MBTPS1: variants seen among roughly 807,000 people sequenced by gnomAD.
MBTPS1 encodes membrane bound transcription factor peptidase, site 1, also known as membrane-bound transcription factor site-1 protease.
In MBTPS1, 94 loss-of-function variants were observed where a neutral mutation model predicts 127.8. The observed-to-expected ratio is 0.74, with a 90% confidence interval of 0.62 to 0.87. MBTPS1 has a LOEUF of 0.87. MBTPS1 is among the 40% of genes least tolerant of loss of function. MBTPS1 has a pLI of 0.00. For synonymous variants in MBTPS1, 632 were observed against 509.4 expected (o/e 1.24, Z -3.24); for missense variants, 1,636 against 1,353.2 (o/e 1.21, Z -3.28).
At chr16:84,056,680 G>C (rs1047012823) in intron 21 of MBTPS1, 2 of 152,604 alleles carry the variant, frequency 1.3e-5, no homozygotes, top group Non-Finnish European at 2.9e-5. Context: ...ACCAACAGTG[G>C]GAGAGAGTCT....
At chr16:84,060,874 CTT>C in intron 19 of MBTPS1, 61 bp from the exon 20 acceptor site, 1 of 1,500,270 alleles carries the variant, frequency 6.7e-7, no homozygotes, top group Non-Finnish European at 9.0e-7. Context: ...GAGTCACGCT[CTT>C]GTCACCCAGT....
intron 11 of MBTPS1, among the ~76,000 whole-genome samples, chr16:84,077,428 G>C (rs1056622607): frequency 2.0e-5 from 3 of 152,124 alleles, no homozygotes; most frequent in African/African-American, 7.2e-5. Context: ...GGAAAGCTCA[G>C]GGATAGACAT....
At position 84,059,412 on chromosome 16, in the gene MBTPS1, C is replaced by G; in HGVS notation, c.2721G>C (p.Arg907=). 1.9e-6 allele frequency: 3 copies of G among 1,613,196 alleles called. No individual in the cohort carries two copies. The highest frequency in any genetic ancestry group is 2.5e-6 in the Non-Finnish European group (3 of 1,179,460). The part of the protein sequence containing the change: ...PERMEGNHLH[R]YSKVLEAHLG... Reference sequence around the variant, plus strand: ...AATGGGCCTCCAGAACCTTGGAGTACCGATGAAGATGGTTTCCTGTGGTTA... The same window carrying G: ...AATGGGCCTCCAGAACCTTGGAGTAGCGATGAAGATGGTTTCCTGTGGTTA... Residue 907 remains arginine (R), a synonymous_variant, in exon 21 of 23, where the codon CGG becomes CGC. Coordinates refer to ENST00000343411, the MANE Select transcript of MBTPS1 (RefSeq NM_003791.4).
At chr16:84,096,725 C>T (rs907734599) in intron 3 of MBTPS1, among the ~76,000 whole-genome samples, 6 of 152,206 alleles carry the variant, frequency 3.9e-5, no homozygotes, top group Non-Finnish European at 5.9e-5. Flanking sequence ...CATACAGTCA[C>T]GTCAATTCTG....
At chr16:84,104,409 G>A (rs1364561657) in intron 1 of MBTPS1, among the ~76,000 whole-genome samples, 1 of 152,098 alleles carries the variant, frequency 6.6e-6, no homozygotes, top group Non-Finnish European at 1.5e-5. Context: ...GTTGCAGTGG[G>A]CCAAGAGTGC....
At chr16:84,073,156 A>G (rs1388844002) in intron 12 of MBTPS1, among the ~76,000 whole-genome samples, 1 of 152,160 alleles carries the variant, frequency 6.6e-6, no homozygotes, top group Non-Finnish European at 1.5e-5. Flanking sequence ...TCTTTTTGAG[A>G]TGGAGTGTTG....
intron 5 of MBTPS1, 118 bp from the exon 6 acceptor site, chr16:84,093,415 C>T: frequency 5.5e-6 from 4 of 727,490 alleles, no homozygotes; most frequent in Non-Finnish European, 9.6e-6. Context: ...TAGAGGAGGG[C>T]CTCTGCTGCT....
At chr16:84,075,797 CAGTTA>C (rs529411102) in intron 11 of MBTPS1, 42 of 152,304 alleles carry the variant, frequency 2.8e-4, no homozygotes, top group African/African-American at 9.1e-4. Flanking sequence ...ACACATATCA[CAGTTA>C]AGTTATCTCA....
chr16:84,100,848 A>C (rs931457411), intron 2 of MBTPS1, among the ~76,000 whole-genome samples: 15 of 151,980 alleles, frequency 9.9e-5, no homozygotes, highest in African/African-American at 3.1e-4. Flanking sequence ...CTGTGCACTC[A>C]ACCCATTGGA....
Position 84,093,216 on chromosome 16 carries a change from T to C in MBTPS1, c.818A>G (p.His273Arg), listed in dbSNP as rs752037534. The change falls in exon 6 of 23, where the codon CAC becomes CGC. Residue 273 changes from histidine to arginine, a missense_variant. Coordinates refer to ENST00000343411, the MANE Select transcript of MBTPS1 (RefSeq NM_003791.4). ...CQGFAPDAEL[H>R]IFRVFTNNQV... ...ATTATTGGTAAAGACCCTGAAAATG[T>C]GAAGTTCTGCATCTGGAGCAAATCC... 3 of 1,613,614 alleles carry C rather than the reference T, an allele frequency of 1.9e-6. No homozygotes were observed. The highest frequency in any genetic ancestry group is 2.5e-6 in the Non-Finnish European group (3 of 1,179,596).
At chr16:84,108,743 G>A (rs145888443) in intron 1 of MBTPS1, among the ~76,000 whole-genome samples, 6 of 152,320 alleles carry the variant, frequency 3.9e-5, no homozygotes, top group South Asian at 2.1e-4. Flanking sequence ...CCAGGTGAGG[G>A]GGTCAGAGCC....
chr16:84,077,837 C>T (rs2085883776), intron 11 of MBTPS1, among the ~76,000 whole-genome samples: 1 of 152,068 alleles, frequency 6.6e-6, no homozygotes, highest in Non-Finnish European at 1.5e-5. Context: ...ACATGCATCC[C>T]TGACGGAGGG....
chr16:84,099,423 G>A (rs1330314419), intron 2 of MBTPS1, 113 bp from the exon 3 acceptor site: 3 of 1,049,782 alleles, frequency 2.9e-6, no homozygotes, highest in Non-Finnish European at 4.0e-6. Flanking sequence ...AAAGCCCACA[G>A]CAGACGAGAG....
chr16:84,111,282 G>C (rs1017292853), intron 1 of MBTPS1, among the ~76,000 whole-genome samples: 1 of 152,234 alleles, frequency 6.6e-6, no homozygotes, highest in Admixed American at 6.5e-5. Flanking sequence ...GCTCACGCCT[G>C]TAATCCCAGC....
At position 84,069,906 on chromosome 16, in the gene MBTPS1, G is replaced by C. The variant is rs754868352; in HGVS notation, c.1915C>G (p.Pro639Ala). 6.8e-6 allele frequency: 11 copies of C among 1,614,138 alleles called. No homozygotes were observed. Among genetic ancestry groups the C allele is most frequent in the South Asian group, 1.1e-5 (1 of 91,064 alleles). ...TTCTTCATCCTTAAATTATCCCTGG[G>C]GAAATAGCCAGGTGGATAGCGGAGG... ...HNLRYPPGYFPRDNLRMKNDP... is the reference protein window; with the variant it reads ...HNLRYPPGYFARDNLRMKNDP... Residue 639 changes from proline (P) to alanine (A), a missense_variant, in exon 14 of 23, where the codon CCC becomes GCC. Coordinates refer to ENST00000343411, the MANE Select transcript of MBTPS1 (RefSeq NM_003791.4).
rs201316737 is a variant in MBTPS1, at chr16:84,085,082, G to A, written c.1187C>T (p.Ala396Val). ...RMKPDIVTYG[A>V]GVRGSGVKGG... ...TTTCACGCCAGAACCCCGCACGCCA[G>A]CACCATAGGTGACAATGTCAGGTTT... Residue 396 changes from alanine (A) to valine (V), a missense_variant, in exon 10 of 23, where the codon GCT becomes GTT. Transcript: ENST00000343411. 1.9e-6 allele frequency: 3 copies of A among 1,614,180 alleles called. No homozygotes were observed. Among genetic ancestry groups the A allele is most frequent in the African/African-American group, 1.3e-5 (1 of 75,042 alleles).
At chr16:84,114,778 C>A (rs1431393455) in intron 1 of MBTPS1, among the ~76,000 whole-genome samples, 2 of 144,352 alleles carry the variant, frequency 1.4e-5, no homozygotes, top group East Asian at 4.0e-4. Flanking sequence ...TGCAGTGAGC[C>A]GAGATCCACC....
At chr16:84,081,690 A>G in intron 11 of MBTPS1, 57 bp downstream of exon 11, 1 of 1,274,646 alleles carries the variant, frequency 7.8e-7, no homozygotes, top group African/African-American at 1.5e-5. Context: ...CAGAGGGAAA[A>G]TTCGCCCAGA....
chr16:84,064,533 T>A (rs866344493), intron 18 of MBTPS1, among the ~76,000 whole-genome samples: 1 of 152,202 alleles, frequency 6.6e-6, no homozygotes, highest in Non-Finnish European at 1.5e-5. Flanking sequence ...CACACTGTAG[T>A]AGAACACCTA....
Sources: allele counts gnomAD v4.1 joint callset (sites outside exome capture counted in the v4.1 genomes callset), GRCh38; gene constraint gnomAD v4.1.1; transcripts MANE v1.5; gene names NCBI Gene and HGNC (gene_info 2026-07-23, HGNC 2026-07-21).